The following COL14A1 variants were observed in gnomAD, a reference collection of about 807,000 sequenced individuals.
COL14A1 encodes collagen alpha-1(XIV) chain.
A neutral mutation model predicts 230.3 loss-of-function variants in COL14A1; 136 were observed. That is an observed-to-expected ratio of 0.59 (90% CI 0.51 to 0.68). The LOEUF is 0.68. Ranked by LOEUF, COL14A1 falls within the 30% of genes least tolerant of loss-of-function variation. The pLI, the probability that COL14A1 is intolerant of heterozygous loss-of-function variation, is 0.00. For missense variants in COL14A1, 1,976 were observed against 2,215.8 expected (o/e 0.89, Z 2.17); for synonymous variants, 792 against 784.1 (o/e 1.01, Z -0.17).
chr8:120,222,728 T>C (rs900580620), intron 14 of COL14A1, among the ~76,000 whole-genome samples: 1 of 152,156 alleles, frequency 6.6e-6, no homozygotes, highest in Non-Finnish European at 1.5e-5. Context: ...AACAGTTTTT[T>C]TGGTGCCTTC....
At chr8:120,194,859 C>A (rs764310690) in intron 5 of COL14A1, among the ~76,000 whole-genome samples, 2 of 152,240 alleles carry the variant, frequency 1.3e-5, no homozygotes, top group Middle Eastern at 3.4e-3. Context: ...TCAATTTTCC[C>A]TGGTTATGTC....
chr8:120,358,642 G>A (rs1823074275), intron 45 of COL14A1, among the ~76,000 whole-genome samples: 1 of 150,712 alleles, frequency 6.6e-6, no homozygotes. Context: ...AAGGAGATTT[G>A]GTTATACTAG....
At chr8:120,231,160 A>G (rs1818256354) in intron 18 of COL14A1, among the ~76,000 whole-genome samples, 1 of 152,126 alleles carries the variant, frequency 6.6e-6, no homozygotes, top group Admixed American at 6.5e-5. Context: ...TTTGGGTTCC[A>G]TGGGCTGTTT....
At chr8:120,193,723 G>C (rs1479900819) in intron 5 of COL14A1, among the ~76,000 whole-genome samples, 2 of 152,180 alleles carry the variant, frequency 1.3e-5, no homozygotes, top group South Asian at 2.1e-4. Flanking sequence ...TTCCCGGCTG[G>C]TTTGGTTACC....
At chr8:120,185,935 G>A (rs1816639084) in intron 5 of COL14A1, among the ~76,000 whole-genome samples, 1 of 152,046 alleles carries the variant, frequency 6.6e-6, no homozygotes, top group Admixed American at 6.6e-5. Flanking sequence ...ACCACGACCA[G>A]CTAATTTTTT....
chr8:120,225,720 C>T (rs555176204), intron 15 of COL14A1, among the ~76,000 whole-genome samples: 9 of 152,010 alleles, frequency 5.9e-5, no homozygotes, highest in African/African-American at 2.2e-4. Context: ...GACATGAATA[C>T]ATTATTTTTC....
At chr8:120,248,594 T>C (rs565500076) in intron 21 of COL14A1, among the ~76,000 whole-genome samples, 40 of 152,336 alleles carry the variant, frequency 2.6e-4, no homozygotes, top group Admixed American at 1.4e-3. Flanking sequence ...TGGTGGCTCA[T>C]GCCTGTAATC....
At position 120,372,621 on chromosome 8, in the gene COL14A1, C is replaced by T. The variant is rs1316652522; in HGVS notation, c.*1390C>T. On this transcript the variant is annotated 3_prime_UTR_variant, in exon 48 of 48. Transcript: ENST00000297848. ...ATCATTTACAACTAGAAGCTGGATTCTTTCTGGATCAGGAAAAGGCTAACA... is the reference window on the plus strand; with the variant it reads ...ATCATTTACAACTAGAAGCTGGATTTTTTCTGGATCAGGAAAAGGCTAACA... Among the ~76,000 whole-genome samples the T allele has an allele frequency of 6.6e-6, 1 of 152,186 alleles. No individual in the cohort carries two copies. Among genetic ancestry groups the T allele is most frequent in the South Asian group, 2.1e-4 (1 of 4,834 alleles).
chr8:120,165,330 A>G (rs1238187321), intron 4 of COL14A1, among the ~76,000 whole-genome samples: 1 of 152,232 alleles, frequency 6.6e-6, no homozygotes, highest in Non-Finnish European at 1.5e-5. Context: ...AGGGATTTGC[A>G]TTCTTTATGA....
intron 28 of COL14A1, among the ~76,000 whole-genome samples, chr8:120,279,033 A>G (rs944980278): frequency 1.3e-5 from 2 of 152,054 alleles, no homozygotes; most frequent in African/African-American, 4.8e-5. Context: ...CATCATCCTC[A>G]GCAAACTAAC....
At chr8:120,146,295 G>T (rs991751142) in intron 1 of COL14A1, among the ~76,000 whole-genome samples, 2 of 152,132 alleles carry the variant, frequency 1.3e-5, no homozygotes, top group African/African-American at 2.4e-5. Flanking sequence ...TCAGCTTTCG[G>T]TATCAGAAAA....
chr8:120,292,033 T>G (rs925448186), intron 34 of COL14A1, among the ~76,000 whole-genome samples: 2 of 152,142 alleles, frequency 1.3e-5, no homozygotes, highest in South Asian at 4.1e-4. Flanking sequence ...TTCTTAAAAT[T>G]TTGTTTTGCA....
intron 29 of COL14A1, among the ~76,000 whole-genome samples, chr8:120,280,494 G>A (rs1820000760): frequency 6.6e-6 from 1 of 152,134 alleles, no homozygotes; most frequent in South Asian, 2.1e-4. Flanking sequence ...AATGAACCCA[G>A]GAGAGAAGGA....
At chr8:120,363,122 A>G (rs1028443618) in intron 45 of COL14A1, among the ~76,000 whole-genome samples, 5 of 152,212 alleles carry the variant, frequency 3.3e-5, no homozygotes, top group Non-Finnish European at 7.3e-5. Context: ...TTTCAAAGGT[A>G]TGCTTGCTTA....
intron 35 of COL14A1, among the ~76,000 whole-genome samples, 161 bp from the exon 36 acceptor site, chr8:120,300,571 T>G (rs1820679303): frequency 6.6e-6 from 1 of 152,140 alleles, no homozygotes; most frequent in African/African-American, 2.4e-5. Context: ...TCATTTTTCT[T>G]TACAGAAAAG....
At chr8:120,203,125 A>G (rs1817309962) in intron 8 of COL14A1, among the ~76,000 whole-genome samples, 1 of 151,392 alleles carries the variant, frequency 6.6e-6, no homozygotes, top group Non-Finnish European at 1.5e-5. Flanking sequence ...TTGCTTCTGC[A>G]ATATTCATGC....
chr8:120,353,955 G>A (rs1475160575), intron 45 of COL14A1, among the ~76,000 whole-genome samples: 7 of 142,604 alleles, frequency 4.9e-5, no homozygotes, highest in South Asian at 4.7e-4. Context: ...TGTTTATTGC[G>A]GCATTATTCA....
At position 120,280,616 on chromosome 8, in the gene COL14A1, A is replaced by C. The variant is rs72678219; in HGVS notation, c.3647-95A>C. 2.3e-3 allele frequency: 2,673 copies of C among 1,174,960 alleles called. 10 individuals carry two copies. Among genetic ancestry groups the C allele is most frequent in the South Asian group, 6.8e-3 (515 of 76,112 alleles). 72.8% of individuals were successfully genotyped at this position (1,174,960 alleles called of 1,614,324 possible). On this transcript the variant is annotated intron_variant, in intron 29 of 47. Coordinates refer to ENST00000297848, the MANE Select transcript of COL14A1 (RefSeq NM_021110.4). ...TATTCTCTCCACAATCAACTTCTGGAAAGATTGTATTAGTTTCCTGTTCTC... is the reference window on the plus strand; with the variant it reads ...TATTCTCTCCACAATCAACTTCTGGCAAGATTGTATTAGTTTCCTGTTCTC...
In COL14A1 at chr8:120,263,214, C is replaced by T. The variant is rs372760028; in HGVS notation, c.3016+200C>T. Among the ~76,000 whole-genome samples, 23 of 152,270 alleles carry T rather than the reference C, an allele frequency of 1.5e-4. No homozygotes were observed. The South Asian group carries it at 2.5e-3, about 16-fold the overall frequency. On this transcript the variant is annotated intron_variant, in intron 24 of 47. Coordinates refer to ENST00000297848, the MANE Select transcript of COL14A1 (RefSeq NM_021110.4). Reference sequence around the variant, plus strand: ...TGTCATCAATATGGGTTTTTTATTTCCATTCTCCATATATGTTTCACAAGA... The same window carrying T: ...TGTCATCAATATGGGTTTTTTATTTTCATTCTCCATATATGTTTCACAAGA...
Sources: allele counts gnomAD v4.1 joint callset (sites outside exome capture counted in the v4.1 genomes callset), GRCh38; gene constraint gnomAD v4.1.1; transcripts MANE v1.5; gene names NCBI Gene and HGNC (gene_info 2026-07-23, HGNC 2026-07-21).